The following KPNA4 variants were observed in gnomAD, a reference collection of about 807,000 sequenced individuals.
The protein encoded by KPNA4 is karyopherin subunit alpha 4.
KPNA4 carries 13 observed loss-of-function variants against 71.3 expected under a neutral mutation model. That is an observed-to-expected ratio of 0.18 (90% CI 0.12 to 0.29). The LOEUF (loss-of-function observed/expected upper bound fraction) is 0.29. KPNA4 is among the 10% of genes least tolerant of loss of function. The pLI, the probability that KPNA4 is intolerant of heterozygous loss-of-function variation, is 1.00. For missense variants in KPNA4, 334 were observed against 603.2 expected, an observed-to-expected ratio of 0.55 and a Z score of 4.67; for synonymous variants, 189 against 195.2, an observed-to-expected ratio of 0.97 and a Z score of 0.26.
At chr3:160,531,801 T>G (rs943925333) in intron 5 of KPNA4, among the ~76,000 whole-genome samples, 32 of 150,018 alleles carry the variant, frequency 2.1e-4, no homozygotes, top group African/African-American at 7.8e-4. Context: ...TTTACTACCT[T>G]TTTTTTTTTG....
chr3:160,505,122 G>A, intron 15 of KPNA4, 70 bp from the exon 16 acceptor site: 1 of 763,794 alleles, frequency 1.3e-6, no homozygotes, highest in Non-Finnish European at 1.9e-6. Flanking sequence ...AATAATCTTT[G>A]GAACACATAA....
chr3:160,554,216 T>C (rs1054827639), intron 1 of KPNA4, among the ~76,000 whole-genome samples: 5 of 152,214 alleles, frequency 3.3e-5, no homozygotes, highest in Non-Finnish European at 5.9e-5. Context: ...CTTTGAGATA[T>C]AATTTACATA....
chr3:160,522,881 A>T (rs1721382569), intron 10 of KPNA4, among the ~76,000 whole-genome samples: 1 of 106,242 alleles, frequency 9.4e-6, no homozygotes, highest in Non-Finnish European at 2.0e-5. Flanking sequence ...GCTGCTACTT[A>T]TGAAAAAAAA....
intron 10 of KPNA4, among the ~76,000 whole-genome samples, chr3:160,523,808 G>A (rs1721407478): frequency 6.6e-6 from 1 of 151,940 alleles, no homozygotes; most frequent in Non-Finnish European, 1.5e-5. Flanking sequence ...TGGAGATCAT[G>A]CCACTGCACT....
At position 160,535,810 on chromosome 3, in the gene KPNA4, C is replaced by G; in HGVS notation, c.202G>C (p.Val68Leu). 6.7e-7 allele frequency: 1 copy of G among 1,495,504 alleles called. No individual in the cohort carries two copies. The highest frequency in any genetic ancestry group is 8.9e-7 in the Non-Finnish European group (1 of 1,124,948). The allele number at this position is 1,495,504 out of a possible 1,614,324, so 92.6% of individuals were successfully genotyped here. A position where few individuals can be genotyped will look rare whatever the true frequency, so the allele number is the denominator to read the frequency against. ...EDSDIDGDYR[V>L]QNTSLEAIVQ... ...GAATAACAATAACAATGACTTACCA[C>G]TCTATAATCACCATCTATATCAGAG... is the stretch of plus-strand genomic sequence containing the variant. The change falls in exon 3 of 17, where the codon GTG (valine) becomes CTG (leucine). Residue 68 changes from valine (V) to leucine (L), a missense_variant and splice_region_variant. Coordinates refer to ENST00000334256, the MANE Select transcript of KPNA4 (RefSeq NM_002268.5).
At chr3:160,547,300 C>G (rs1721933311) in intron 1 of KPNA4, among the ~76,000 whole-genome samples, 1 of 152,242 alleles carries the variant, frequency 6.6e-6, no homozygotes, top group East Asian at 1.9e-4. Flanking sequence ...CAAATGCAAC[C>G]ATTTTCCTAA....
chr3:160,526,400 A>G (rs1475915503), intron 8 of KPNA4, among the ~76,000 whole-genome samples: 2 of 152,234 alleles, frequency 1.3e-5, no homozygotes, highest in Non-Finnish European at 2.9e-5. Flanking sequence ...ACAAACTTTC[A>G]TGTGATAAAA....
intron 1 of KPNA4, among the ~76,000 whole-genome samples, chr3:160,537,225 A>C (rs1721708607): frequency 6.6e-6 from 1 of 151,710 alleles, no homozygotes; most frequent in African/African-American, 2.4e-5. Context: ...ACTATTTAAA[A>C]AAAAAAAGCG....
chr3:160,534,724 A>AAAAAAAAAAAAG (rs1721649119), intron 5 of KPNA4, among the ~76,000 whole-genome samples: 1 of 150,656 alleles, frequency 6.6e-6, no homozygotes, highest in African/African-American at 2.4e-5. Context: ...CTCAGAAAAA[A>AAAAAAAAAAAAG]AAAAAAAAAA....
rs1283238713 is a variant in KPNA4, at chr3:160,530,895, T to A, written c.429A>T (p.Ala143=). 5 of 1,612,796 alleles carry A rather than the reference T, an allele frequency of 3.1e-6. No individual in the cohort carries two copies. The highest frequency in any genetic ancestry group is 4.2e-6 in the Non-Finnish European group (5 of 1,179,502). ...CTTGAGTTTGTTCAGAAGTTCCAGA[T>A]GCAATGTTTGTCAAAGCCCATGCAG... ...FEAAWALTNI[A]SGTSEQTQAV... The change falls in exon 7 of 17, where the codon GCA becomes GCT. Residue 143 remains alanine (A), a synonymous_variant. Coordinates refer to ENST00000334256, the MANE Select transcript of KPNA4 (RefSeq NM_002268.5).
chr3:160,518,256 T>C (rs1431323706), intron 11 of KPNA4, among the ~76,000 whole-genome samples: 1 of 151,468 alleles, frequency 6.6e-6, no homozygotes, highest in Non-Finnish European at 1.5e-5. Context: ...GCCTCCCGAG[T>C]AGCTGAGTAG....
chr3:160,506,191 CAG>C (rs1222858824), intron 15 of KPNA4, among the ~76,000 whole-genome samples: 14 of 150,830 alleles, frequency 9.3e-5, no homozygotes, highest in African/African-American at 3.2e-4. Context: ...TTTTTTGAGA[CAG>C]AGTCTCACTC....
chr3:160,557,423 A>G (rs1293699841), intron 1 of KPNA4, among the ~76,000 whole-genome samples: 1 of 152,232 alleles, frequency 6.6e-6, no homozygotes, highest in African/African-American at 2.4e-5. Context: ...GGACACTGAG[A>G]TAGACTATGA....
intron 1 of KPNA4, among the ~76,000 whole-genome samples, chr3:160,551,718 C>T (rs918376250): frequency 2.6e-5 from 4 of 152,146 alleles, no homozygotes; most frequent in African/African-American, 9.7e-5. Flanking sequence ...ATCTGTTAAA[C>T]CAAATTGAGA....
At chr3:160,529,509 T>C (rs1018559463) in intron 7 of KPNA4, among the ~76,000 whole-genome samples, 3 of 152,284 alleles carry the variant, frequency 2.0e-5, no homozygotes, top group Admixed American at 1.3e-4. Context: ...AACATAAGTG[T>C]CTACAGTAAA....
At chr3:160,506,752 T>G (rs987239428) in intron 15 of KPNA4, among the ~76,000 whole-genome samples, 2 of 152,366 alleles carry the variant, frequency 1.3e-5, no homozygotes, top group Admixed American at 6.5e-5. Flanking sequence ...GTATGCCTAT[T>G]GTTATTTTTT....
intron 1 of KPNA4, among the ~76,000 whole-genome samples, chr3:160,561,143 T>C (rs1283510317): frequency 6.6e-6 from 1 of 151,890 alleles, no homozygotes; most frequent in African/African-American, 2.4e-5. Flanking sequence ...TAATATTCTT[T>C]TATATTTAGG....
intron 1 of KPNA4, among the ~76,000 whole-genome samples, chr3:160,550,203 T>A (rs1722010674): frequency 6.6e-6 from 1 of 152,250 alleles, no homozygotes; most frequent in East Asian, 1.9e-4. Context: ...CATTTCTTTT[T>A]CTTGCCCAAC....
intron 1 of KPNA4, among the ~76,000 whole-genome samples, chr3:160,557,385 T>C (rs1229350569): frequency 1.3e-5 from 2 of 152,198 alleles, no homozygotes; most frequent in Non-Finnish European, 2.9e-5. Flanking sequence ...AGTAGATATG[T>C]GCAAACTAAA....
Sources: allele counts gnomAD v4.1 joint callset (sites outside exome capture counted in the v4.1 genomes callset), GRCh38; gene constraint gnomAD v4.1.1; transcripts MANE v1.5; gene names NCBI Gene and HGNC (gene_info 2026-07-23, HGNC 2026-07-21).